The following RNF217 variants were observed in gnomAD, a reference collection of about 807,000 sequenced individuals.
RNF217 encodes E3 ubiquitin-protein ligase RNF217.
A neutral mutation model predicts 57.8 loss-of-function variants in RNF217; 31 were observed. The observed-to-expected ratio is 0.54, with a 90% CI of 0.40 to 0.72. RNF217 has a LOEUF of 0.72. Among genes scored for constraint, RNF217 ranks in the 30% least tolerant of loss-of-function variants. The pLI, the probability that RNF217 is intolerant of heterozygous loss-of-function variation, is 0.00. For missense variants in RNF217, 696 were observed against 708.3 expected (o/e 0.98, Z 0.20); for synonymous variants, 313 against 294.0 (o/e 1.06, Z -0.66).
chr6:124,963,315 C>T lies in RNF217; in HGVS notation c.771C>T (p.Pro257=). Residue 257 remains proline, a synonymous_variant, in exon 1 of 6, where the codon CCC becomes CCT. Transcript: ENST00000521654. ...GCGGTGTAGGGGATCCCTATGTGCC[C>T]CTCATGGTGCTGATGTGCCGGGTGT... ...GLGGVGDPYV[P]LMVLMCRVCL... is the part of the protein sequence containing the mutation. 6.5e-7 allele frequency: 1 copy of T among 1,535,516 alleles called. No individual in the cohort carries two copies. Among genetic ancestry groups the T allele is most frequent in the Non-Finnish European group, 8.7e-7 (1 of 1,146,642 alleles).
intron 1 of RNF217, among the ~76,000 whole-genome samples, chr6:125,017,651 T>C (rs1785662047): frequency 6.6e-6 from 1 of 152,208 alleles, no homozygotes; most frequent in African/African-American, 2.4e-5. Context: ...TCAAGTCTTA[T>C]AACCCTATCA....
rs1411514693 is a variant in RNF217, at chr6:125,057,871, A to G, written c.1117-71A>G. The G allele has an allele frequency of 3.0e-6, 4 of 1,339,198 alleles. No homozygotes were observed. The Admixed American group carries it at 9.4e-5, about 31-fold the overall frequency. 83.0% of individuals were successfully genotyped at this position (1,339,198 alleles called of 1,614,324 possible). On this transcript the variant is annotated intron_variant, in intron 2 of 5. Transcript: ENST00000521654. ...AAACTTTTAGCTAATTTCCCCAAGC[A>G]TCACCTTCTTATCCTTTTAGACACT...
rs546028974 is a variant in RNF217 at position 125,090,133 on chromosome 6, G to A, written c.*7196G>A. On this transcript the variant is annotated 3_prime_UTR_variant, in exon 6 of 6. Coordinates refer to ENST00000521654, the MANE Select transcript of RNF217 (RefSeq NM_001286398.3). ...CCTCTAGAGGGTATTTTAAAAAGTA[G>A]ACCAACCTTATGTTTCACGTGAAAC... The A allele has an allele frequency of 6.6e-6, 1 of 151,848 alleles. No individual in the cohort carries two copies. The highest frequency in any genetic ancestry group is 1.5e-5 in the Non-Finnish European group (1 of 67,938). 9.4% of individuals were successfully genotyped at this position (151,848 alleles called of 1,614,324 possible). A position where few individuals can be genotyped will look rare whatever the true frequency, so the allele number is the denominator to read the frequency against.
In RNF217 at chr6:125,061,655, A is replaced by G. The variant is rs529911144; in HGVS notation, c.1281+3549A>G. Among the ~76,000 whole-genome samples, 28 of 151,058 alleles carry G rather than the reference A, an allele frequency of 1.9e-4. No homozygotes were observed. In the South Asian group the frequency reaches 3.5e-3, roughly 19 times the overall value. On this transcript the variant is annotated intron_variant, in intron 3 of 5. Transcript: ENST00000521654. Reference sequence around the variant, plus strand: ...TTTTTTTTTAAATTAATTGATTTGCATATGTATTGTTTAGTTTTTTTATTT... The same window carrying G: ...TTTTTTTTTAAATTAATTGATTTGCGTATGTATTGTTTAGTTTTTTTATTT...
Position 125,076,802 on chromosome 6 carries a change from A to T in RNF217, c.1427A>T (p.Tyr476Phe). The change falls in exon 4 of 6, where the codon TAT (tyrosine) becomes TTT (phenylalanine). Residue 476 changes from tyrosine to phenylalanine, a missense_variant. Tyr to Phe is a conservative substitution (Grantham distance 22). Around this residue, in one of 2 missense-constraint regions of RNF217, gnomAD observed 231 missense variants for 321.4 expected, o/e 0.72. Transcript: ENST00000521654. ...TSNLSIFGCK[Y>F]RYLPERPHLR... Reference sequence around the variant, plus strand: ...AACCTCAGTATATTTGGATGCAAATATCGCTACCTCCCAGAGAGACCTCAT... The same window carrying T: ...AACCTCAGTATATTTGGATGCAAATTTCGCTACCTCCCAGAGAGACCTCAT... 2.5e-6 allele frequency: 4 copies of T among 1,613,680 alleles called. No homozygotes were observed. The highest frequency in any genetic ancestry group is 3.4e-6 in the Non-Finnish European group (4 of 1,179,754).
chr6:124,994,333 G>T (rs966654175), intron 1 of RNF217, among the ~76,000 whole-genome samples: 3 of 152,018 alleles, frequency 2.0e-5, no homozygotes, highest in Non-Finnish European at 4.4e-5. Context: ...AAATCCTGAC[G>T]TGATTTCATC....
At chr6:124,996,794 A>G (rs980243326) in intron 1 of RNF217, 1 of 152,264 alleles carries the variant, frequency 6.6e-6, no homozygotes, top group African/African-American at 2.4e-5. Flanking sequence ...TTAAAATATA[A>G]CATTCCTCTT....
At chr6:124,995,230 A>G (rs555442264) in intron 1 of RNF217, among the ~76,000 whole-genome samples, 3 of 152,326 alleles carry the variant, frequency 2.0e-5, no homozygotes, top group South Asian at 2.1e-4. Context: ...ACAAAAGAAT[A>G]TAACACATGG....
At chr6:124,986,149 T>G (rs1462927287) in intron 1 of RNF217, among the ~76,000 whole-genome samples, 1 of 152,220 alleles carries the variant, frequency 6.6e-6, no homozygotes, top group East Asian at 1.9e-4. Context: ...CATTCCTCAA[T>G]TACCCTTCCA....
chr6:125,074,310 TA>T (rs1031714272), intron 3 of RNF217, among the ~76,000 whole-genome samples: 1 of 119,538 alleles, frequency 8.4e-6, no homozygotes, highest in African/African-American at 2.7e-5. Flanking sequence ...GATAGATAGA[TA>T]GATAGATAGA....
intron 1 of RNF217, among the ~76,000 whole-genome samples, chr6:124,985,088 G>A (rs747361613): frequency 1.3e-5 from 2 of 152,204 alleles, no homozygotes; most frequent in South Asian, 2.1e-4. Flanking sequence ...CATACTAATA[G>A]GATAATTTAA....
At chr6:125,040,154 G>A (rs941314498) in intron 1 of RNF217, among the ~76,000 whole-genome samples, 1 of 152,056 alleles carries the variant, frequency 6.6e-6, no homozygotes, top group African/African-American at 2.4e-5. Flanking sequence ...GAATCCAGGA[G>A]CTGTGTTTTT....
intron 1 of RNF217, among the ~76,000 whole-genome samples, chr6:125,027,172 A>G (rs754882180): frequency 1.1e-4 from 17 of 152,106 alleles, no homozygotes; most frequent in Non-Finnish European, 1.9e-4. Flanking sequence ...AATTACATTA[A>G]GTTATTTTAA....
intron 3 of RNF217, among the ~76,000 whole-genome samples, chr6:125,071,518 GTGTGTGTGTGTGTGTGTGTA>G (rs1407018630): frequency 6.7e-5 from 10 of 150,154 alleles, no homozygotes; most frequent in Admixed American, 6.1e-4. Context: ...GTGTGTGTGT[GTGTGTGTGTGTGTGTGTGTA>G]TATCTTATTA....
intron 1 of RNF217, among the ~76,000 whole-genome samples, chr6:124,989,178 C>T (rs1784462617): frequency 6.6e-6 from 1 of 151,826 alleles, no homozygotes; most frequent in East Asian, 1.9e-4. Context: ...TTTTTTAAAC[C>T]GTCACTTTAC....
rs1453803381 is a variant in RNF217 at position 124,963,156 on chromosome 6, C to T, written c.612C>T (p.Phe204=). 6 of 1,534,434 alleles carry T rather than the reference C, an allele frequency of 3.9e-6. No individual in the cohort carries two copies. Among genetic ancestry groups the T allele is most frequent in the Non-Finnish European group, 5.2e-6 (6 of 1,146,086 alleles). ...VLNPPSTRSS[F]PSPRLSLPTD... is the part of the protein sequence containing the mutation. ...ACCCTCCCAGCACCCGCTCTTCCTTCCCCAGCCCCCGACTGTCCCTCCCAA... is the reference window on the plus strand; with the variant it reads ...ACCCTCCCAGCACCCGCTCTTCCTTTCCCAGCCCCCGACTGTCCCTCCCAA... Residue 204 remains phenylalanine (F), a synonymous_variant, in exon 1 of 6, where the codon TTC becomes TTT. Coordinates refer to ENST00000521654, the MANE Select transcript of RNF217 (RefSeq NM_001286398.3).
At chr6:125,033,946 T>G (rs1342493289) in intron 1 of RNF217, among the ~76,000 whole-genome samples, 1 of 151,932 alleles carries the variant, frequency 6.6e-6, no homozygotes, top group African/African-American at 2.4e-5. Context: ...TGATGGCCAG[T>G]GATGATGAGC....
intron 1 of RNF217, among the ~76,000 whole-genome samples, chr6:125,029,454 A>G (rs966793439): frequency 1.3e-5 from 2 of 152,168 alleles, no homozygotes; most frequent in African/African-American, 4.8e-5. Context: ...TTCTTTCTTT[A>G]TTGAATCTAA....
intron 1 of RNF217, among the ~76,000 whole-genome samples, chr6:124,967,247 C>A (rs1181599959): frequency 6.6e-6 from 1 of 152,160 alleles, no homozygotes; most frequent in Non-Finnish European, 1.5e-5. Flanking sequence ...CCTGCACATC[C>A]CTTAACCCTC....
Sources: allele counts gnomAD v4.1 joint callset (sites outside exome capture counted in the v4.1 genomes callset), GRCh38; gene constraint gnomAD v4.1.1; regional missense constraint gnomAD v4.1.1; transcripts MANE v1.5; gene names NCBI Gene and HGNC (gene_info 2026-07-23, HGNC 2026-07-21).